SNRK: variants seen among roughly 807,000 people sequenced by gnomAD.
SNRK encodes the protein SNF related kinase.
SNRK carries 3 observed loss-of-function variants against 48.2 expected under a neutral mutation model. The observed-to-expected ratio is 0.06, with a 90% CI of 0.03 to 0.16. SNRK has a LOEUF of 0.16. Ranked by LOEUF, SNRK falls within the 10% of genes least tolerant of loss-of-function variation. The pLI is 1.00. For synonymous variants in SNRK, 376 were observed against 366.1 expected (o/e 1.03, Z -0.31); for missense variants, 627 against 976.0 (o/e 0.64, Z 4.76).
intron 1 of SNRK, among the ~76,000 whole-genome samples, chr3:43,297,907 A>G (rs1405967065): frequency 2.0e-5 from 3 of 152,170 alleles, no homozygotes; most frequent in African/African-American, 7.2e-5. Flanking sequence ...ACAGCAGTTC[A>G]GTTTCTGAAC....
chr3:43,295,773 C>G (rs1238765548), intron 1 of SNRK, among the ~76,000 whole-genome samples: 1 of 152,134 alleles, frequency 6.6e-6, no homozygotes, highest in African/African-American at 2.4e-5. Context: ...GAGTCTCACT[C>G]TTTTGCTCAG....
intron 3 of SNRK, among the ~76,000 whole-genome samples, chr3:43,323,505 G>C (rs1435619268): frequency 2.6e-5 from 4 of 152,178 alleles, no homozygotes; most frequent in Non-Finnish European, 5.9e-5. Flanking sequence ...ATACATTTCT[G>C]GTGGGAATGT....
rs115187511 is a variant in SNRK at position 43,346,181 on chromosome 3, A to G, written c.1080-1158A>G. ...ACACAGTGTTAGTCATTGTTCGGTTATGACCACTTCAGAGAATACTGCTTC... is the reference window on the plus strand; with the variant it reads ...ACACAGTGTTAGTCATTGTTCGGTTGTGACCACTTCAGAGAATACTGCTTC... On this transcript the variant is annotated intron_variant, in intron 6 of 6. Coordinates refer to ENST00000296088, the MANE Select transcript of SNRK (RefSeq NM_017719.5). Among the ~76,000 whole-genome samples the G allele has an allele frequency of 6.0e-3, 915 of 152,372 alleles. 1 individual carries two copies. The highest frequency in any genetic ancestry group is 8.3e-3 in the Non-Finnish European group (567 of 68,036).
In SNRK at chr3:43,342,280, C is replaced by T. The variant is rs1026410662; in HGVS notation, c.945-1064C>T. ...GTCTTGCTGTCCTCTCAGCTAGCCT[C>T]ACTCCGTGCTTGCTGCTCACATCAT... On this transcript the variant is annotated intron_variant, in intron 5 of 6. Transcript: ENST00000296088. 2.6e-5 allele frequency among the ~76,000 whole-genome samples: 4 copies of T among 152,272 alleles called. No homozygotes were observed. The East Asian group carries it at 7.7e-4, about 29-fold the overall frequency.
At chr3:43,324,681 AC>A (rs1364539720) in intron 3 of SNRK, among the ~76,000 whole-genome samples, 1 of 152,200 alleles carries the variant, frequency 6.6e-6, no homozygotes, top group Non-Finnish European at 1.5e-5. Flanking sequence ...CCTACATGGA[AC>A]CAACCAGGTT....
intron 1 of SNRK, among the ~76,000 whole-genome samples, chr3:43,290,395 T>C (rs1015626981): frequency 6.6e-6 from 1 of 152,210 alleles, no homozygotes; most frequent in African/African-American, 2.4e-5. Flanking sequence ...TGCTAGCATG[T>C]TGTAGATGTT....
At chr3:43,340,227 C>T in intron 4 of SNRK, 60 bp from the exon 5 acceptor site, 1 of 1,256,678 alleles carries the variant, frequency 8.0e-7, no homozygotes, top group Non-Finnish European at 1.2e-6. Context: ...ATAAAATGAT[C>T]CATCATTACT....
chr3:43,311,376 C>T (rs1287524564), intron 3 of SNRK, among the ~76,000 whole-genome samples: 1 of 152,190 alleles, frequency 6.6e-6, no homozygotes, highest in East Asian at 1.9e-4. Context: ...CTGGCTTCCT[C>T]TTTCAGTCTG....
At position 43,347,768 on chromosome 3, in the gene SNRK, G is replaced by A; in HGVS notation, c.1509G>A (p.Glu503=). 1.9e-6 allele frequency: 3 copies of A among 1,614,180 alleles called. No homozygotes were observed. Among genetic ancestry groups the A allele is most frequent in the Non-Finnish European group, 1.7e-6 (2 of 1,180,030 alleles). ...CTGACGATGAGTTTGACATGGATGA[G>A]AATCTGCCTCCCAAGTTGAGCAGGT... ...GESDDEFDMD[E]NLPPKLSRLK... is the part of the protein sequence containing the mutation. Residue 503 remains glutamate (E), a synonymous_variant, in exon 7 of 7, where the codon GAG becomes GAA. Transcript: ENST00000296088. This position sits in a 1 kb window ranked among gnomAD's most constrained non-coding sequence, Gnocchi z 5.4.
chr3:43,333,697 A>C (rs1473817910), intron 4 of SNRK, among the ~76,000 whole-genome samples: 3 of 152,146 alleles, frequency 2.0e-5, no homozygotes. Context: ...CTACTGAAAA[A>C]GCTTATTTTT....
intron 1 of SNRK, among the ~76,000 whole-genome samples, chr3:43,287,815 T>G (rs1429267051): frequency 6.6e-6 from 1 of 152,074 alleles, no homozygotes; most frequent in African/African-American, 2.4e-5. Context: ...AAAGCCCGGG[T>G]TGTCAAGGCT....
At chr3:43,333,965 G>A (rs949299638) in intron 4 of SNRK, among the ~76,000 whole-genome samples, 1 of 152,066 alleles carries the variant, frequency 6.6e-6, no homozygotes, top group South Asian at 2.1e-4. Flanking sequence ...GATCAACATG[G>A]TGAAACCCTG....
intron 3 of SNRK, among the ~76,000 whole-genome samples, chr3:43,324,676 A>G (rs993469426): frequency 2.0e-5 from 3 of 152,230 alleles, no homozygotes; most frequent in African/African-American, 7.2e-5. Flanking sequence ...ATAATCCTAC[A>G]TGGAACCAAC....
At chr3:43,308,648 C>T (rs1575538983) in intron 3 of SNRK, among the ~76,000 whole-genome samples, 2 of 152,302 alleles carry the variant, frequency 1.3e-5, no homozygotes, top group Admixed American at 6.5e-5. Context: ...AAAAAACATT[C>T]CTTTTAAAAT....
At chr3:43,332,422 G>A (rs2091153030) in intron 4 of SNRK, 112 bp downstream of exon 4, 1 of 677,520 alleles carries the variant, frequency 1.5e-6, no homozygotes, top group Non-Finnish European at 2.1e-6. Flanking sequence ...CCAAGCATCT[G>A]GGTTGATTTT....
intron 3 of SNRK, among the ~76,000 whole-genome samples, chr3:43,329,112 T>C (rs923644827): frequency 6.6e-6 from 1 of 152,188 alleles, no homozygotes; most frequent in Non-Finnish European, 1.5e-5. Flanking sequence ...GAGTGGCCTG[T>C]TTTTATCTCT....
In SNRK at chr3:43,347,860, G is replaced by A; in HGVS notation, c.1601G>A (p.Arg534Gln). 1.2e-6 allele frequency: 2 copies of A among 1,614,196 alleles called. No homozygotes were observed. The highest frequency in any genetic ancestry group is 8.5e-7 in the Non-Finnish European group (1 of 1,180,028). ...TACCACCGGAGGAAAAGTCAGGGCC[G>A]GGGCTCCAGCTGCAGTAGTTCGGAG... ...KRYHRRKSQGRGSSCSSSETS... is the reference protein window; with the variant it reads ...KRYHRRKSQGQGSSCSSSETS... Residue 534 changes from arginine to glutamine, a missense_variant, in exon 7 of 7, where the codon CGG becomes CAG. By Grantham distance (43) the Arg-to-Gln change is conservative. This residue lies in a region of SNRK where 98 missense variants were observed against 175.2 expected (regional missense o/e 0.56). Transcript: ENST00000296088. This position sits in a 1 kb window ranked among gnomAD's most constrained non-coding sequence, Gnocchi z 5.4.
chr3:43,296,416 A>ATATATATATATATATATATATATATG (rs1491297171), intron 1 of SNRK, among the ~76,000 whole-genome samples: 7 of 8,710 alleles, frequency 8.0e-4, no homozygotes, highest in African/African-American at 9.0e-4. Context: ...ATATACTGGC[A>ATATATATATATATATATATATATATG]TATATATATA....
chr3:43,337,239 A>G (rs1391592856), intron 4 of SNRK, among the ~76,000 whole-genome samples: 1 of 151,286 alleles, frequency 6.6e-6, no homozygotes, highest in Non-Finnish European at 1.5e-5. Context: ...ACATCTGGCT[A>G]ATTTTTTGTA....
Sources: allele counts gnomAD v4.1 joint callset (sites outside exome capture counted in the v4.1 genomes callset), GRCh38; gene constraint gnomAD v4.1.1; regional missense constraint gnomAD v4.1.1; non-coding constraint Gnocchi (gnomAD v3.1); transcripts MANE v1.5; gene names NCBI Gene and HGNC (gene_info 2026-07-23, HGNC 2026-07-21).